CDH8: variants seen among roughly 807,000 people sequenced by gnomAD.
The protein encoded by CDH8 is cadherin-8.
Under a neutral mutation model 68.1 loss-of-function variants are expected in CDH8, and 17 were observed. The observed-to-expected ratio is 0.25, with a 90% CI of 0.17 to 0.37. CDH8 has a LOEUF of 0.37. CDH8 is among the 10% of genes least tolerant of loss of function. The pLI, the probability that CDH8 is intolerant of heterozygous loss-of-function variation, is 1.00. For missense variants in CDH8, 763 were observed against 999.3 expected, an observed-to-expected ratio of 0.76 and a Z score of 3.19; for synonymous variants, 372 against 365.1, an observed-to-expected ratio of 1.02 and a Z score of -0.21.
At chr16:61,701,797 A>T (rs1232778449) in intron 10 of CDH8, among the ~76,000 whole-genome samples, 3 of 152,268 alleles carry the variant, frequency 2.0e-5, no homozygotes, top group African/African-American at 7.2e-5. Context: ...GATTTCCTCC[A>T]TGTCCACGAA....
At chr16:61,823,067 GAA>G (rs796115295) in intron 5 of CDH8, among the ~76,000 whole-genome samples, 31 of 152,050 alleles carry the variant, frequency 2.0e-4, no homozygotes, top group African/African-American at 7.5e-4. Context: ...AAAAGTGAGG[GAA>G]AGAGTAGAAG....
At chr16:61,960,581 C>T (rs908791189) in intron 2 of CDH8, among the ~76,000 whole-genome samples, 1 of 152,060 alleles carries the variant, frequency 6.6e-6, no homozygotes, top group African/African-American at 2.4e-5. Context: ...TAAGCTGGTG[C>T]CCAAAAAGAC....
intron 4 of CDH8, among the ~76,000 whole-genome samples, chr16:61,840,655 C>T (rs1349608900): frequency 6.6e-6 from 1 of 152,076 alleles, no homozygotes; most frequent in African/African-American, 2.4e-5. Context: ...TTATCCTCAG[C>T]AAACTAACTC....
chr16:61,950,979 C>A (rs1294688909), intron 2 of CDH8, among the ~76,000 whole-genome samples: 1 of 152,056 alleles, frequency 6.6e-6, no homozygotes, highest in Non-Finnish European at 1.5e-5. Flanking sequence ...ATAATCCATA[C>A]AACAACCCCC....
intron 8 of CDH8, among the ~76,000 whole-genome samples, chr16:61,754,734 C>T (rs1185482430): frequency 3.3e-5 from 5 of 151,930 alleles, no homozygotes; most frequent in Non-Finnish European, 7.4e-5. Flanking sequence ...AATACTAAAA[C>T]CTATTTCTAT....
rs149375578 is a variant in CDH8 at position 62,025,631 on chromosome 16, C to T, written c.-199-4029G>A. Among the ~76,000 whole-genome samples, 419 of 152,202 alleles carry T rather than the reference C, an allele frequency of 2.8e-3. 4 individuals are homozygous for T. Among genetic ancestry groups the T allele is most frequent in the Admixed American group, 0.011 (169 of 15,292 alleles). ...TTCTAGAGACTGAAACACTTATATG[C>T]CATCTCTTAGATTTTGCCAAATTCT... On this transcript the variant is annotated intron_variant, in intron 1 of 11. Coordinates refer to ENST00000577390, the MANE Select transcript of CDH8 (RefSeq NM_001796.5).
At position 61,751,382 on chromosome 16, in the gene CDH8, TAAAAAAAAAAAAA is replaced by T. The variant is rs71134375; in HGVS notation, c.1415-24180_1415-24168del. On this transcript the variant is annotated intron_variant, in intron 8 of 11. Coordinates refer to ENST00000577390, the MANE Select transcript of CDH8 (RefSeq NM_001796.5). ...CACAAATGTCCTTCCATATTCTCCT[TAAAAAAAAAAAAA>T]AAAAAAAAAAAAAAAACAAGCAGTT... 9.1e-3 allele frequency among the ~76,000 whole-genome samples: 491 copies of T among 54,196 alleles called. 6 individuals are homozygous for T. Among genetic ancestry groups the T allele is most frequent in the Middle Eastern group, 0.083 (5 of 60 alleles). The allele number at this position is 54,196 out of a possible 152,430, so 35.6% of individuals were successfully genotyped here.
chr16:61,768,372 T>TTC (rs751682006), intron 8 of CDH8, among the ~76,000 whole-genome samples: 6 of 38,942 alleles, frequency 1.5e-4, no homozygotes, highest in Admixed American at 6.7e-4. Flanking sequence ...CTCTCTCCCT[T>TTC]TCTCTCTCTC....
intron 5 of CDH8, among the ~76,000 whole-genome samples, chr16:61,821,598 T>C (rs557086496): frequency 6.6e-6 from 1 of 152,212 alleles, no homozygotes; most frequent in Non-Finnish European, 1.5e-5. Context: ...CCATTTTTGA[T>C]AAAATTCAAT....
chr16:61,794,215 T>C (rs1028934744), intron 7 of CDH8, among the ~76,000 whole-genome samples: 1 of 151,884 alleles, frequency 6.6e-6, no homozygotes, highest in Non-Finnish European at 1.5e-5. Context: ...ATGACCTGGA[T>C]TTCTGTGTGT....
intron 4 of CDH8, among the ~76,000 whole-genome samples, chr16:61,843,327 T>C (rs1358408711): frequency 1.3e-5 from 2 of 152,218 alleles, no homozygotes; most frequent in Non-Finnish European, 2.9e-5. Context: ...TTTCTCACTT[T>C]GGCAGGAAAG....
intron 9 of CDH8, chr16:61,726,793 C>T (rs888017475): frequency 2.5e-5 from 10 of 392,278 alleles, no homozygotes; most frequent in Admixed American, 1.8e-4. Flanking sequence ...ATTCAGCCCC[C>T]GTCACTCTAA....
chr16:61,688,171 A>G (rs1964144776), intron 10 of CDH8, among the ~76,000 whole-genome samples: 1 of 151,952 alleles, frequency 6.6e-6, no homozygotes, highest in African/African-American at 2.4e-5. Context: ...TGTTCTCTCT[A>G]ATTCCTTTCA....
chr16:61,891,316 T>A (rs1963773074), intron 3 of CDH8, among the ~76,000 whole-genome samples: 1 of 151,930 alleles, frequency 6.6e-6, no homozygotes, highest in African/African-American at 2.4e-5. Flanking sequence ...AGCTCTCCCA[T>A]CACAAAAGTT....
intron 2 of CDH8, among the ~76,000 whole-genome samples, chr16:61,967,381 T>C (rs1363564608): frequency 6.6e-6 from 1 of 152,246 alleles, no homozygotes; most frequent in Non-Finnish European, 1.5e-5. Context: ...TTAATGCCGA[T>C]AATTAGTAAC....
Position 61,959,965 on chromosome 16 carries a change from G to GGTGT in CDH8, c.253-58496_253-58493dup, listed in dbSNP as rs1206234057. 4.5e-3 allele frequency among the ~76,000 whole-genome samples: 257 copies of GGTGT among 56,796 alleles called. 14 individuals carry two copies. Among genetic ancestry groups the GGTGT allele is most frequent in the Middle Eastern group, 0.015 (1 of 68 alleles). The allele number at this position is 56,796 out of a possible 152,430, so 37.3% of individuals were successfully genotyped here. A position where few individuals can be genotyped will look rare whatever the true frequency, so the allele number is the denominator to read the frequency against. On this transcript the variant is annotated intron_variant, in intron 2 of 11. Transcript: ENST00000577390. ...CCTTAACAAATCTTTCTCTGTATGT[G>GGTGT]GTGTATGTGTGTGTGTGTGTATATA...
chr16:61,738,164 C>T (rs375848136), intron 8 of CDH8, among the ~76,000 whole-genome samples: 7 of 152,184 alleles, frequency 4.6e-5, no homozygotes, highest in East Asian at 1.9e-4. Context: ...GCCTTAAACT[C>T]CCTGGAGAAA....
intron 3 of CDH8, among the ~76,000 whole-genome samples, chr16:61,877,605 A>T (rs1203102136): frequency 6.6e-6 from 1 of 152,038 alleles, no homozygotes; most frequent in Admixed American, 6.6e-5. Flanking sequence ...GTACTTCCAG[A>T]CTCTACACAT....
chr16:61,948,546 A>G (rs1217174019), intron 2 of CDH8, among the ~76,000 whole-genome samples: 1 of 152,188 alleles, frequency 6.6e-6, no homozygotes, highest in African/African-American at 2.4e-5. Context: ...TGTGAAGCCT[A>G]TATTTGCTTA....
Sources: allele counts gnomAD v4.1 joint callset (sites outside exome capture counted in the v4.1 genomes callset), GRCh38; gene constraint gnomAD v4.1.1; transcripts MANE v1.5; gene names NCBI Gene and HGNC (gene_info 2026-07-23, HGNC 2026-07-21).